Variants in HOPX observed in about 807,000 individuals in gnomAD.
HOPX encodes homeodomain-only protein.
In HOPX, 5 loss-of-function variants were observed where a neutral mutation model predicts 11.8. That is an observed-to-expected ratio of 0.43 (90% CI 0.22 to 0.89). HOPX has a LOEUF of 0.89. Ranked by LOEUF, HOPX falls within the 40% of genes least tolerant of loss-of-function variation. The pLI, the probability that HOPX is intolerant of heterozygous loss-of-function variation, is 0.28. For synonymous variants in HOPX, 49 were observed against 49.7 expected (o/e 0.99, Z 0.06); for missense variants, 119 against 120.0 (o/e 0.99, Z 0.04).
chr4:56,675,265 G>C lies in HOPX; in HGVS notation c.-84+5990C>G, dbSNP rs1053322683. 5.3e-5 allele frequency among the ~76,000 whole-genome samples: 8 copies of C among 151,586 alleles called. 1 individual carries two copies. The highest frequency in any genetic ancestry group is 2.0e-4 in the African/African-American group (8 of 40,866). ...CACAGAGGTCAGAATGAGGACTGGGGCTGACTGGGTTCAAGAGCCAGCTCA... is the reference window on the plus strand; with the variant it reads ...CACAGAGGTCAGAATGAGGACTGGGCCTGACTGGGTTCAAGAGCCAGCTCA... On this transcript the variant is annotated intron_variant, in intron 1 of 3. Coordinates refer to ENST00000420433, the MANE Select transcript of HOPX (RefSeq NM_032495.6).
intron 1 of HOPX, among the ~76,000 whole-genome samples, chr4:56,658,328 C>G (rs1717905766): frequency 6.6e-6 from 1 of 152,128 alleles, no homozygotes; most frequent in Admixed American, 6.5e-5. Flanking sequence ...TCTGTGGCTT[C>G]TTGTTACAGG....
chr4:56,667,130 C>T (rs998544970), intron 1 of HOPX, among the ~76,000 whole-genome samples: 1 of 152,188 alleles, frequency 6.6e-6, no homozygotes, highest in Non-Finnish European at 1.5e-5. Context: ...GTCATTGAAA[C>T]ATTGGTAGGT....
intron 1 of HOPX, among the ~76,000 whole-genome samples, chr4:56,675,579 A>G (rs1718965948): frequency 6.6e-6 from 1 of 151,650 alleles, no homozygotes; most frequent in South Asian, 2.1e-4. Flanking sequence ...ATTGTTCAGC[A>G]TATTGTAAAA....
intron 1 of HOPX, among the ~76,000 whole-genome samples, chr4:56,669,501 G>A (rs557580482): frequency 7.2e-5 from 11 of 151,956 alleles, no homozygotes; most frequent in African/African-American, 2.7e-4. Flanking sequence ...TCTACTAAAA[G>A]TACAAAAATT....
Position 56,673,032 on chromosome 4 carries a change from A to C in HOPX, c.-84+8223T>G, listed in dbSNP as rs28664739. On this transcript the variant is annotated intron_variant, in intron 1 of 3. Coordinates refer to ENST00000420433, the MANE Select transcript of HOPX (RefSeq NM_032495.6). ...CCATGCTGTGTGAATAAAACATAAA[A>C]CCTCTAGCCCACTCCTTTCCCTTTC... Among the ~76,000 whole-genome samples the C allele has an allele frequency of 4.7e-3, 718 of 152,168 alleles. 2 individuals are homozygous for C. The highest frequency in any genetic ancestry group is 0.016 in the African/African-American group (674 of 41,516).
intron 1 of HOPX, among the ~76,000 whole-genome samples, chr4:56,673,792 C>T (rs762893029): frequency 7.9e-5 from 12 of 152,122 alleles, no homozygotes; most frequent in Non-Finnish European, 1.5e-4. Context: ...GCAGCCTTCG[C>T]CTCCCGGGTT....
intron 1 of HOPX, among the ~76,000 whole-genome samples, chr4:56,675,170 T>G (rs1363206192): frequency 1.3e-5 from 2 of 151,604 alleles, no homozygotes; most frequent in African/African-American, 4.9e-5. Flanking sequence ...ATACCAGTTC[T>G]CAGCCTTGGC....
intron 1 of HOPX, among the ~76,000 whole-genome samples, chr4:56,668,420 T>C (rs60352986): frequency 0.035 from 5,259 of 152,328 alleles, 295 homozygotes; most frequent in African/African-American, 0.12. Context: ...AGAATGGAGA[T>C]AGAAAGATTT....
intron 3 of HOPX, chr4:56,650,633 C>T: frequency 6.5e-7 from 1 of 1,545,078 alleles, no homozygotes; most frequent in African/African-American, 1.4e-5. Context: ...ACCTGTACAG[C>T]AGAGTTTACA....
At chr4:56,667,977 T>C (rs1718529978) in intron 1 of HOPX, among the ~76,000 whole-genome samples, 1 of 152,162 alleles carries the variant, frequency 6.6e-6, no homozygotes, top group Non-Finnish European at 1.5e-5. Context: ...CAGGCTGGAG[T>C]GCAGTGGTGC....
At chr4:56,656,515 T>A in intron 2 of HOPX, 3 of 982,116 alleles carry the variant, frequency 3.1e-6, no homozygotes, top group Non-Finnish European at 3.6e-6. Flanking sequence ...TAGGCGGCCT[T>A]CTGTCTCCGC....
At chr4:56,677,657 G>A (rs1349931293) in intron 1 of HOPX, among the ~76,000 whole-genome samples, 1 of 151,624 alleles carries the variant, frequency 6.6e-6, no homozygotes, top group Admixed American at 6.6e-5. Flanking sequence ...TGGAGCCGGT[G>A]AGGCTCTGTG....
chr4:56,673,031 A>T (rs1005144335), intron 1 of HOPX, among the ~76,000 whole-genome samples: 1 of 152,150 alleles, frequency 6.6e-6, no homozygotes, highest in Non-Finnish European at 1.5e-5. Context: ...TAAAACATAA[A>T]ACCTCTAGCC....
intron 1 of HOPX, among the ~76,000 whole-genome samples, chr4:56,670,141 T>C (rs1477509069): frequency 6.6e-6 from 1 of 152,204 alleles, no homozygotes; most frequent in Non-Finnish European, 1.5e-5. Context: ...GAATATCCAT[T>C]ACATCTCCAA....
chr4:56,648,015 G>A lies in HOPX; in HGVS notation c.*705C>T, dbSNP rs1716819135. 1 of 151,774 alleles carries A rather than the reference G, an allele frequency of 6.6e-6. No homozygotes were observed. Among genetic ancestry groups the A allele is most frequent in the Non-Finnish European group, 1.5e-5 (1 of 68,018 alleles). The allele number at this position is 151,774 out of a possible 1,614,324, so 9.4% of individuals were successfully genotyped here. ...AGTGCATCTTCAACAAAAAGTTAAG[G>A]TTTTATTTAGAATATCATTTTAGAG... On this transcript the variant is annotated 3_prime_UTR_variant, in exon 4 of 4. Coordinates refer to ENST00000420433, the MANE Select transcript of HOPX (RefSeq NM_032495.6).
At chr4:56,659,723 A>G (rs938053887) in intron 1 of HOPX, among the ~76,000 whole-genome samples, 14 of 152,226 alleles carry the variant, frequency 9.2e-5, no homozygotes, top group Non-Finnish European at 1.9e-4. Flanking sequence ...GAGAGACACA[A>G]AAAGTATTTC....
At chr4:56,677,139 T>G (rs1021562768) in intron 1 of HOPX, among the ~76,000 whole-genome samples, 1 of 151,806 alleles carries the variant, frequency 6.6e-6, no homozygotes, top group Admixed American at 6.5e-5. Flanking sequence ...ATAGTAACCT[T>G]AAGGTGGCTC....
intron 2 of HOPX, 84 bp downstream of exon 2, chr4:56,657,691 C>A: frequency 1.4e-6 from 1 of 727,980 alleles, no homozygotes; most frequent in South Asian, 1.5e-5. Context: ...CATACCAGGT[C>A]AGAAACACTT....
At chr4:56,658,346 A>G (rs1410936412) in intron 1 of HOPX, among the ~76,000 whole-genome samples, 1 of 152,040 alleles carries the variant, frequency 6.6e-6, no homozygotes. Context: ...AGGACTTTGT[A>G]TGAGATTTTG....
Sources: gnomAD v4.1 joint callset for allele counts (sites outside exome capture counted in the v4.1 genomes callset) on GRCh38, gnomAD v4.1.1 for gene constraint, MANE v1.5 for transcripts, NCBI Gene and HGNC (gene_info 2026-07-23, HGNC 2026-07-21) for gene names.